The following ANKRD30A variants were observed in gnomAD, a reference collection of about 807,000 sequenced individuals.
ANKRD30A encodes the protein ankyrin repeat domain-containing protein 30A.
Under a neutral mutation model 166.3 loss-of-function variants are expected in ANKRD30A, and 170 were observed. The observed-to-expected ratio is 1.02, with a 90% CI of 0.90 to 1.16. The LOEUF (loss-of-function observed/expected upper bound fraction) is 1.16. ANKRD30A is among the 50% of genes most tolerant of loss of function. The probability of loss-of-function intolerance (pLI) is 0.00; values close to 1 mark genes in which losing one functional copy is unlikely to be tolerated. For missense variants in ANKRD30A, 1,630 were observed against 1,518.0 expected (o/e 1.07, Z -1.23); for synonymous variants, 564 against 508.9 (o/e 1.11, Z -1.46).
chr10:37,161,103 A>C (rs1838822187), intron 15 of ANKRD30A, among the ~76,000 whole-genome samples: 1 of 152,160 alleles, frequency 6.6e-6, no homozygotes, highest in South Asian at 2.1e-4. Context: ...AATACAAAAA[A>C]ATTAGTCGGA....
intron 6 of ANKRD30A, among the ~76,000 whole-genome samples, chr10:37,141,125 T>G (rs577303944): frequency 2.6e-5 from 4 of 152,190 alleles, no homozygotes; most frequent in Non-Finnish European, 5.9e-5. Context: ...TTGTTATTAT[T>G]GTCTTTTTTT....
intron 31 of ANKRD30A, among the ~76,000 whole-genome samples, chr10:37,204,902 T>C (rs1463589211): frequency 1.3e-5 from 2 of 152,086 alleles, no homozygotes; most frequent in Admixed American, 6.6e-5. Context: ...TGATGAGATA[T>C]CATCTCACAC....
rs1554823849 is a variant in ANKRD30A at position 37,196,093 on chromosome 10, A to ATTTATTTTTTT, written c.2615-1185_2615-1184insATTTTTTTTTT. 1.5e-5 allele frequency among the ~76,000 whole-genome samples: 2 copies of ATTTATTTTTTT among 129,458 alleles called. 1 individual carries two copies. Among genetic ancestry groups the ATTTATTTTTTT allele is most frequent in the Non-Finnish European group, 3.2e-5 (2 of 62,508 alleles). 84.9% of individuals were successfully genotyped at this position (129,458 alleles called of 152,430 possible). A position where few individuals can be genotyped will look rare whatever the true frequency, so the allele number is the denominator to read the frequency against. The stretch of plus-strand genomic sequence containing the variant: ...AGTTAGAGGTTTTTTTATATTTTCT[A>ATTTATTTTTTT]TTTTTTTTTTTTTTTTTTTGTAGTA... On this transcript the variant is annotated intron_variant, in intron 27 of 35. Coordinates refer to ENST00000361713, the MANE Select transcript of ANKRD30A (RefSeq NM_052997.3).
intron 18 of ANKRD30A, among the ~76,000 whole-genome samples, chr10:37,165,478 C>G (rs1374391513): frequency 6.6e-6 from 1 of 152,136 alleles, no homozygotes; most frequent in Non-Finnish European, 1.5e-5. Context: ...GAGCTATGGG[C>G]AAATATATGA....
At chr10:37,199,373 C>G (rs1463855455) in intron 29 of ANKRD30A, among the ~76,000 whole-genome samples, 7 of 151,828 alleles carry the variant, frequency 4.6e-5, no homozygotes. Flanking sequence ...TAAAAATTTA[C>G]AAAGAAATGA....
the ANKRD30A span, among the ~76,000 whole-genome samples, chr10:37,252,704 T>G: frequency 6.6e-6 from 1 of 152,000 alleles, no homozygotes; most frequent in Non-Finnish European, 1.5e-5. Context: ...TTACTAACTG[T>G]GTGACCTTGG....
intron 25 of ANKRD30A, among the ~76,000 whole-genome samples, chr10:37,190,966 C>T (rs71489123): frequency 3.3e-4 from 50 of 151,778 alleles, no homozygotes; most frequent in Middle Eastern, 3.4e-3. Flanking sequence ...ACCTCATTAG[C>T]AAATAACATG....
downstream of ANKRD30A, among the ~76,000 whole-genome samples, chr10:37,234,190 A>T (rs2132772058): frequency 6.6e-6 from 1 of 152,300 alleles, no homozygotes; most frequent in South Asian, 2.1e-4. Flanking sequence ...ACACTATTAT[A>T]GCTATCATAG....
chr10:37,225,936 A>T (rs1028098296), intron 34 of ANKRD30A, among the ~76,000 whole-genome samples: 3 of 151,648 alleles, frequency 2.0e-5, no homozygotes, highest in African/African-American at 7.3e-5. Flanking sequence ...AAAATTCGGC[A>T]TTCTTTGTCA....
chr10:37,139,335 C>T (rs1836943908), intron 6 of ANKRD30A, among the ~76,000 whole-genome samples: 3 of 152,172 alleles, frequency 2.0e-5, no homozygotes, highest in African/African-American at 7.2e-5. Flanking sequence ...AGTCAGCAGC[C>T]ACAGCCCTGG....
rs41276124 is a variant in ANKRD30A, at chr10:37,162,783, C to T, written c.1937C>T (p.Thr646Ile). Reference protein sequence around the residue: ...PGKPSAFEPATEMQKSVPNKA... With the variant: ...PGKPSAFEPAIEMQKSVPNKA... Reference sequence around the variant, plus strand: ...GCTTCCAACCCCATTTAGCCTGCCACTGAAATGCAAAAGTCTGTCCCAAAT... The same window carrying T: ...GCTTCCAACCCCATTTAGCCTGCCATTGAAATGCAAAAGTCTGTCCCAAAT... Residue 646 changes from threonine (T) to isoleucine (I), a missense_variant, in exon 17 of 36, where the codon ACT becomes ATT. By Grantham distance (89) the Thr-to-Ile change is moderately conservative (BLOSUM62 -1). This residue lies in a region of ANKRD30A where 904 missense variants were observed against 818.5 expected (regional missense o/e 1.10). Coordinates refer to ENST00000361713, the MANE Select transcript of ANKRD30A (RefSeq NM_052997.3). The T allele has an allele frequency of 2.9e-4, 460 of 1,613,240 alleles. 2 individuals carry two copies. Among genetic ancestry groups the T allele is most frequent in the East Asian group, 2.6e-3 (118 of 44,838 alleles).
intron 35 of ANKRD30A, among the ~76,000 whole-genome samples, chr10:37,232,282 T>C (rs936407726): frequency 6.6e-6 from 1 of 151,956 alleles, no homozygotes; most frequent in African/African-American, 2.4e-5. Context: ...CCACTATACC[T>C]ACATCACTTT....
intron 29 of ANKRD30A, among the ~76,000 whole-genome samples, chr10:37,198,805 T>A (rs1301544797): frequency 6.6e-6 from 1 of 152,160 alleles, no homozygotes. Context: ...GTACCCTTAA[T>A]GATGAAATGG....
intron 35 of ANKRD30A, among the ~76,000 whole-genome samples, chr10:37,232,051 T>C (rs1284717238): frequency 1.3e-5 from 2 of 152,066 alleles, no homozygotes; most frequent in Non-Finnish European, 1.5e-5. Flanking sequence ...ATAACACTTC[T>C]AATGTTTTCC....
At chr10:37,232,182 A>C (rs904635957) in intron 35 of ANKRD30A, among the ~76,000 whole-genome samples, 1 of 152,082 alleles carries the variant, frequency 6.6e-6, no homozygotes, top group Non-Finnish European at 1.5e-5. Flanking sequence ...TGAAGTAAAT[A>C]AACATGGAAC....
chr10:37,210,821 T>C (rs997427508), intron 31 of ANKRD30A, among the ~76,000 whole-genome samples: 2 of 152,194 alleles, frequency 1.3e-5, no homozygotes, highest in African/African-American at 4.8e-5. Context: ...GTTGTTTGTT[T>C]TTTCCTTGTA....
intron 25 of ANKRD30A, among the ~76,000 whole-genome samples, chr10:37,191,262 TA>T (rs1840554150): frequency 6.6e-6 from 1 of 151,544 alleles, no homozygotes; most frequent in Admixed American, 6.6e-5. Flanking sequence ...TATTCCAGTA[TA>T]TGGGTATGAA....
chr10:37,133,478 C>T (rs933510310), intron 4 of ANKRD30A, among the ~76,000 whole-genome samples: 2 of 152,206 alleles, frequency 1.3e-5, no homozygotes, highest in Non-Finnish European at 2.9e-5. Flanking sequence ...GGGTCTCATA[C>T]ATTCTTATCA....
the ANKRD30A span, among the ~76,000 whole-genome samples, chr10:37,264,233 A>G: frequency 2.0e-5 from 3 of 152,232 alleles, no homozygotes; most frequent in Non-Finnish European, 4.4e-5. Context: ...AACCCTTGCC[A>G]TGAACTGAGA....
Sources: gnomAD v4.1 joint callset for allele counts (sites outside exome capture counted in the v4.1 genomes callset) on GRCh38, gnomAD v4.1.1 for gene constraint, gnomAD v4.1.1 regional missense constraint, MANE v1.5 for transcripts, NCBI Gene and HGNC (gene_info 2026-07-23, HGNC 2026-07-21) for gene names.